Variants in UBXN11 observed in about 807,000 individuals in gnomAD.
UBXN11 encodes the protein UBX domain protein 11, also known as UBX domain-containing protein 11.
Under a neutral mutation model 62.8 loss-of-function variants are expected in UBXN11, and 47 were observed. The observed-to-expected ratio is 0.75, with a 90% confidence interval of 0.59 to 0.95. The LOEUF (loss-of-function observed/expected upper bound fraction) is 0.95, where lower values mean the gene tolerates loss of function less well. UBXN11 is among the 40% of genes least tolerant of loss of function. UBXN11 has a pLI of 0.00. For synonymous variants in UBXN11, 294 were observed against 267.0 expected (o/e 1.10, Z -0.99); for missense variants, 638 against 661.7 (o/e 0.96, Z 0.39).
intron 8 of UBXN11, 99 bp downstream of exon 8, chr1:26,294,106 C>A (rs887955202): frequency 6.6e-7 from 1 of 1,524,782 alleles, no homozygotes; most frequent in Non-Finnish European, 8.8e-7. Flanking sequence ...GTCAGGGACC[C>A]GGGCACGAAT....
At chr1:26,314,110 C>G (rs151275647) in intron 1 of UBXN11, among the ~76,000 whole-genome samples, 90 of 152,262 alleles carry the variant, frequency 5.9e-4, no homozygotes, top group Non-Finnish European at 1.0e-3. Flanking sequence ...AGTTCTCAAT[C>G]TTGTCCTGCT....
intron 4 of UBXN11, among the ~76,000 whole-genome samples, chr1:26,298,691 C>T (rs1249052809): frequency 1.3e-5 from 2 of 149,664 alleles, no homozygotes; most frequent in African/African-American, 4.9e-5. Context: ...ACTCGAGAAT[C>T]GCTTGAACCC....
chr1:26,292,664 A>G (rs906610083), intron 8 of UBXN11, among the ~76,000 whole-genome samples: 9 of 151,878 alleles, frequency 5.9e-5, no homozygotes, highest in African/African-American at 1.9e-4. Context: ...GACCAGCCTG[A>G]CCAACATGGC....
intron 8 of UBXN11, among the ~76,000 whole-genome samples, chr1:26,293,723 T>TC (rs2073326485): frequency 1.1e-4 from 1 of 9,122 alleles, no homozygotes; most frequent in Non-Finnish European, 2.6e-4. Context: ...AGACTCCGTC[T>TC]CAAAAAAAAA....
At chr1:26,307,511 C>G (rs1030398940), upstream of UBXN11, among the ~76,000 whole-genome samples, 3 of 152,154 alleles carry the variant, frequency 2.0e-5, no homozygotes, top group African/African-American at 7.2e-5. Context: ...ATCTCTTCAC[C>G]CTTTCAGCTG....
chr1:26,309,211 G>A (rs1324634727), upstream of UBXN11, among the ~76,000 whole-genome samples: 1 of 150,394 alleles, frequency 6.6e-6, no homozygotes, highest in African/African-American at 2.5e-5. Flanking sequence ...GGGATTACAG[G>A]CGTGAGCCAC....
chr1:26,295,934 G>T (rs1225939206), intron 7 of UBXN11, among the ~76,000 whole-genome samples: 1 of 152,266 alleles, frequency 6.6e-6, no homozygotes, highest in East Asian at 1.9e-4. Context: ...TCATGCCCCT[G>T]CCCCGAGGCT....
At chr1:26,309,990 T>C (rs1353886942), upstream of UBXN11, among the ~76,000 whole-genome samples, 2 of 152,324 alleles carry the variant, frequency 1.3e-5, no homozygotes, top group Admixed American at 6.5e-5. Context: ...ACAGACTCTG[T>C]CTATGTTGCC....
chr1:26,315,088 G>A (rs932143751), intron 1 of UBXN11, among the ~76,000 whole-genome samples: 15 of 150,414 alleles, frequency 1.0e-4, no homozygotes, highest in African/African-American at 1.5e-4. Context: ...GACTCGAGGG[G>A]AAAAAAAAAG....
chr1:26,306,840 GGTGGT>G (rs1231163011), upstream of UBXN11: 8 of 111,230 alleles, frequency 7.2e-5, no homozygotes, highest in African/African-American at 3.0e-4. Context: ...GGGGGGGGGG[GGTGGT>G]TCGTTCCTAC....
chr1:26,285,073 A>T, intron 10 of UBXN11: 1 of 1,022,214 alleles, frequency 9.8e-7, no homozygotes. Context: ...GAGTCCCAAC[A>T]TCTGTCCCCT....
intron 9 of UBXN11, 22 bp downstream of exon 9, chr1:26,285,801 C>T (rs773248681): frequency 2.3e-5 from 35 of 1,535,230 alleles, no homozygotes; most frequent in African/African-American, 8.3e-5. Flanking sequence ...TAGAGCACCA[C>T]CCCCCCCAAC....
At chr1:26,285,784 G>A in intron 9 of UBXN11, 39 bp downstream of exon 9, 1 of 1,560,412 alleles carries the variant, frequency 6.4e-7, no homozygotes, top group Non-Finnish European at 8.7e-7. Context: ...GTGGGCAGCA[G>A]GGGCACTAGA....
Position 26,284,345 on chromosome 1 carries a change from C to T in UBXN11, c.973+17G>A. The T allele has an allele frequency of 2.5e-6, 4 of 1,614,054 alleles. No individual in the cohort carries two copies. The highest frequency in any genetic ancestry group is 3.4e-6 in the Non-Finnish European group (4 of 1,179,964). ...CAGTCCCCCAGCCCCCTGGCTCAGC[C>T]TGGAGGCCAAACTCACCTGGGTGCT... On this transcript the variant is annotated intron_variant, in intron 11 of 14. Transcript: ENST00000374222.
At position 26,284,168 on chromosome 1, in the gene UBXN11, G is replaced by A. The variant is rs753768406; in HGVS notation, c.1051C>T (p.Arg351Trp). 5.0e-6 allele frequency: 8 copies of A among 1,612,208 alleles called. No homozygotes were observed. Among genetic ancestry groups the A allele is most frequent in the South Asian group, 4.4e-5 (4 of 90,826 alleles). Residue 351 changes from arginine to tryptophan, a missense_variant, in exon 12 of 15, where the codon CGG becomes TGG. Coordinates refer to ENST00000374222, the MANE Select transcript of UBXN11 (RefSeq NM_001389556.1). ...TGCAAGGTGTCCCTGATGGGGCCCCGGATGTCAATCACCTCGCCTTGCCGG... is the reference window on the plus strand; with the variant it reads ...TGCAAGGTGTCCCTGATGGGGCCCCAGATGTCAATCACCTCGCCTTGCCGG... ...VIRQGEVIDI[R>W]GPIRDTLQNC...
Position 26,282,890 on chromosome 1 carries a change from C to T in UBXN11, c.1125G>A (p.Thr375=), listed in dbSNP as rs775798959. The change falls in exon 13 of 15, where the codon ACG becomes ACA. Residue 375 remains threonine, a synonymous_variant. Transcript: ENST00000374222. ...PARIQEIVVE[T]PTLAAERERS... ...TCTCTCGCTCAGCGGCCAAGGTGGG[C>T]GTCTCCACCACAATCTCCTGGATCC... 2.5e-6 allele frequency: 4 copies of T among 1,614,078 alleles called. No homozygotes were observed. The highest frequency in any genetic ancestry group is 1.6e-4 in the Middle Eastern group (1 of 6,084).
chr1:26,282,991 C>T (rs1348907003), intron 12 of UBXN11, 54 bp from the exon 13 acceptor site: 4 of 1,609,540 alleles, frequency 2.5e-6, no homozygotes, highest in Non-Finnish European at 1.7e-6. Context: ...TTGAGTCATC[C>T]CCACAAACCT....
Position 26,296,787 on chromosome 1 carries a change from G to A in UBXN11, c.432+132C>T, listed in dbSNP as rs1225731746. 5.3e-6 allele frequency: 5 copies of A among 949,288 alleles called. No homozygotes were observed. In the East Asian group the frequency reaches 1.3e-4, roughly 25 times the overall value. The allele number at this position is 949,288 out of a possible 1,614,324, so 58.8% of individuals were successfully genotyped here. On this transcript the variant is annotated intron_variant, in intron 7 of 14. Coordinates refer to ENST00000374222, the MANE Select transcript of UBXN11 (RefSeq NM_001389556.1). ...GCCAGTCCTGGGTAGGGAAATGCAG[G>A]GCAGGGTCCCTGGGTGGGATGTGAC...
At position 26,294,249 on chromosome 1, in the gene UBXN11, T is replaced by C. The variant is rs1285165984; in HGVS notation, c.515A>G (p.His172Arg). The C allele has an allele frequency of 6.2e-7, 1 of 1,614,198 alleles. No individual in the cohort carries two copies. The highest frequency in any genetic ancestry group is 8.5e-7 in the Non-Finnish European group (1 of 1,179,986). The change falls in exon 8 of 15, where the codon CAT becomes CGT. Residue 172 changes from histidine to arginine, a missense_variant. Physicochemically the swap from His to Arg is conservative, Grantham distance 29. Coordinates refer to ENST00000374222, the MANE Select transcript of UBXN11 (RefSeq NM_001389556.1). ...EDSESKTVSE[H>R]GERDWMTAKK... ...GGCTGTCATCCAGTCCCTCTCGCCA[T>C]GCTCTGAGACTGTCTTGCTCTCTGA...
Sources: allele counts gnomAD v4.1 joint callset (sites outside exome capture counted in the v4.1 genomes callset), GRCh38; gene constraint gnomAD v4.1.1; transcripts MANE v1.5; gene names NCBI Gene and HGNC (gene_info 2026-07-23, HGNC 2026-07-21).